URB1: variants seen among roughly 807,000 people sequenced by gnomAD.
URB1 encodes nucleolar pre-ribosomal-associated protein 1.
In URB1, 197 loss-of-function variants were observed where a neutral mutation model predicts 242.3. That is an observed-to-expected ratio of 0.81 (90% confidence interval 0.72 to 0.91). The LOEUF (loss-of-function observed/expected upper bound fraction) is 0.91, where lower values mean the gene tolerates loss of function less well. URB1 is among the 40% of genes least tolerant of loss of function. The probability of loss-of-function intolerance (pLI) is 0.00; values close to 1 mark genes in which losing one functional copy is unlikely to be tolerated. For missense variants in URB1, 2,721 were observed against 2,860.5 expected, an observed-to-expected ratio of 0.95 and a Z score of 1.11; for synonymous variants, 1,153 against 1,201.8, an observed-to-expected ratio of 0.96 and a Z score of 0.84.
At position 32,325,082 on chromosome 21, in the gene URB1, A is replaced by C. The variant is rs1024106546; in HGVS notation, c.5121+147T>G. ...CTCCGGGATCACCTCCTAAGGGAAC[A>C]GACTTTTGCTCTTCAGCAGAGATCT... On this transcript the variant is annotated intron_variant, in intron 31 of 38. Coordinates refer to ENST00000382751, the MANE Select transcript of URB1 (RefSeq NM_014825.3). 11 of 1,073,282 alleles carry C rather than the reference A, an allele frequency of 1.0e-5. No individual in the cohort carries two copies. In the African/African-American group the frequency reaches 1.8e-4, roughly 17 times the overall value. 66.5% of individuals were successfully genotyped at this position (1,073,282 alleles called of 1,614,324 possible).
intron 5 of URB1, among the ~76,000 whole-genome samples, 169 bp from the exon 6 acceptor site, chr21:32,375,652 A>C (rs2033451023): frequency 2.6e-5 from 4 of 152,100 alleles, no homozygotes; most frequent in African/African-American, 9.7e-5. Flanking sequence ...CCATGACATA[A>C]GAAATCAAGA....
chr21:32,320,393 C>T, intron 35 of URB1, 138 bp downstream of exon 35: 1 of 662,686 alleles, frequency 1.5e-6, no homozygotes, highest in South Asian at 2.0e-5. Flanking sequence ...CATATGGTAG[C>T]ATTGGAGGAC....
In URB1 at chr21:32,344,754, C is replaced by T; in HGVS notation, c.4073G>A (p.Trp1358Ter). Reference sequence around the variant, plus strand: ...TGCTGAAATGGAGTCGGCCACGATCCACCTGCAGCAGGAGATGAGAGTCAG... The same window carrying T: ...TGCTGAAATGGAGTCGGCCACGATCTACCTGCAGCAGGAGATGAGAGTCAG... The part of the protein sequence containing the change: ...LLHTPSSHKR[W>*]IVADSISAAL... Residue 1358 changes from tryptophan to a stop codon, truncating the protein, a stop_gained and splice_region_variant, in exon 24 of 39, where the codon TGG (tryptophan) becomes TAG (stop). Coordinates refer to ENST00000382751, the MANE Select transcript of URB1 (RefSeq NM_014825.3). LOFTEE classifies it high-confidence loss of function. 9 of 1,550,044 alleles carry T rather than the reference C, an allele frequency of 5.8e-6. No individual in the cohort carries two copies. Among genetic ancestry groups the T allele is most frequent in the Non-Finnish European group, 7.9e-6 (9 of 1,146,460 alleles).
intron 19 of URB1, 108 bp from the exon 20 acceptor site, chr21:32,351,030 C>T (rs2033151590): frequency 4.3e-6 from 5 of 1,170,078 alleles, no homozygotes; most frequent in Non-Finnish European, 2.4e-6. Context: ...CAAAGAAGCA[C>T]ATGCTGAGAT....
chr21:32,335,731 G>A (rs769130757), intron 28 of URB1: 1 of 152,602 alleles, frequency 6.6e-6, no homozygotes, highest in Non-Finnish European at 1.5e-5. Context: ...AGACCGGCGG[G>A]AGAGCCGCCA....
chr21:32,333,104 T>C (rs2032915415), intron 30 of URB1: 1 of 445,636 alleles, frequency 2.2e-6, no homozygotes, highest in South Asian at 2.7e-5. Context: ...AAATTACAAT[T>C]TTTTTTTTTA....
At chr21:32,335,572 A>G (rs2032948046) in intron 28 of URB1, 1 of 152,324 alleles carries the variant, frequency 6.6e-6, no homozygotes, top group Non-Finnish European at 1.5e-5. Context: ...AAATTCTTCT[A>G]AATACAGGTT....
intron 3 of URB1, 149 bp downstream of exon 3, chr21:32,384,164 G>C: frequency 1.0e-6 from 1 of 997,438 alleles, no homozygotes; most frequent in Non-Finnish European, 1.4e-6. Flanking sequence ...GTCCACAAAG[G>C]AAGGGGGCAG....
chr21:32,357,495 C>A (rs1373131741), intron 15 of URB1, 42 bp downstream of exon 15: 5 of 1,455,892 alleles, frequency 3.4e-6, no homozygotes, highest in Non-Finnish European at 4.5e-6. Flanking sequence ...AAGATCTATA[C>A]AAAATGCTTT....
Position 32,338,727 on chromosome 21 carries a change from C to T in URB1, c.4490G>A (p.Ser1497Asn), listed in dbSNP as rs765114065. Residue 1497 changes from serine to asparagine, a missense_variant, in exon 26 of 39, where the codon AGC (serine) becomes AAC (asparagine). Physicochemically the swap from Ser to Asn is conservative, Grantham distance 46. Transcript: ENST00000382751. ...PTLLTSDGEE[S>N]PDSQVKEALV... Reference sequence around the variant, plus strand: ...GTCACCTTTTACTTGGCTGTCCGGGCTCTCCTCTCCGTCAGACGTCAGTAG... The same window carrying T: ...GTCACCTTTTACTTGGCTGTCCGGGTTCTCCTCTCCGTCAGACGTCAGTAG... 20 of 1,551,442 alleles carry T rather than the reference C, an allele frequency of 1.3e-5. No individual in the cohort carries two copies. Among genetic ancestry groups the T allele is most frequent in the Non-Finnish European group, 1.7e-5 (19 of 1,146,934 alleles).
At chr21:32,354,738 G>T in intron 17 of URB1, 121 bp downstream of exon 17, 1 of 1,310,708 alleles carries the variant, frequency 7.6e-7, no homozygotes, top group Non-Finnish European at 1.0e-6. Flanking sequence ...GGTCTTTGCT[G>T]CAAAGGGACT....
intron 4 of URB1, among the ~76,000 whole-genome samples, chr21:32,380,523 T>G (rs1173502728): frequency 6.6e-6 from 1 of 152,166 alleles, no homozygotes; most frequent in Non-Finnish European, 1.5e-5. Flanking sequence ...AACCCACCAA[T>G]TCAGTTTTTA....
rs1332449012 is a variant in URB1, at chr21:32,325,352, A to G, written c.4998T>C (p.Asn1666=). Residue 1666 remains asparagine (N), a synonymous_variant, in exon 31 of 39, where the codon AAT becomes AAC. Coordinates refer to ENST00000382751, the MANE Select transcript of URB1 (RefSeq NM_014825.3). The part of the protein sequence containing the change: ...VVDCRKFLDS[N]ALGLTVTALS... Reference sequence around the variant, plus strand: ...GGGCTGTGACAGTTAGGCCCAGAGCATTTGAATCCAAAAATTTTCGACAAT... The same window carrying G: ...GGGCTGTGACAGTTAGGCCCAGAGCGTTTGAATCCAAAAATTTTCGACAAT... 4 of 1,551,054 alleles carry G rather than the reference A, an allele frequency of 2.6e-6. No individual in the cohort carries two copies. Among genetic ancestry groups the G allele is most frequent in the East Asian group, 2.4e-5 (1 of 40,912 alleles).
rs572870158 is a variant in URB1, at chr21:32,340,474, A to ATGG, written c.4316+989_4316+991dup. Among the ~76,000 whole-genome samples, 20 of 152,290 alleles carry ATGG rather than the reference A, an allele frequency of 1.3e-4. No individual in the cohort carries two copies. In the South Asian group the frequency reaches 4.2e-3, roughly 32 times the overall value. ...TAAAAATACAAAAAATTAGCCGAGC[A>ATGG]TGGTGGTGCGTGCCTGTGGACTCAG... On this transcript the variant is annotated intron_variant, in intron 25 of 38. Coordinates refer to ENST00000382751, the MANE Select transcript of URB1 (RefSeq NM_014825.3).
At chr21:32,360,913 C>T (rs1601145194) in intron 13 of URB1, 94 bp downstream of exon 13, 18 of 820,156 alleles carry the variant, frequency 2.2e-5, no homozygotes, top group East Asian at 3.0e-5. Context: ...CGCAGCCAAC[C>T]GTCCACCAGC....
intron 1 of URB1, among the ~76,000 whole-genome samples, chr21:32,390,522 G>A (rs1398792257): frequency 6.6e-6 from 1 of 151,554 alleles, no homozygotes; most frequent in Non-Finnish European, 1.5e-5. Flanking sequence ...CTGGATATTA[G>A]CCCTTTGTCA....
Position 32,316,686 on chromosome 21 carries a change from G to A in URB1, c.6414C>T (p.Asp2138=). The A allele has an allele frequency of 6.4e-7, 1 of 1,551,416 alleles. No individual in the cohort carries two copies. Among genetic ancestry groups the A allele is most frequent in the Non-Finnish European group, 8.7e-7 (1 of 1,146,864 alleles). The part of the protein sequence containing the change: ...HILPHPVVVA[D]LLKDSAVRSS... ...TCCTCACGGCACTGTCCTTAAGGAGGTCAGCCACGACCACAGGGTGTGGCA... is the reference window on the plus strand; with the variant it reads ...TCCTCACGGCACTGTCCTTAAGGAGATCAGCCACGACCACAGGGTGTGGCA... The change falls in exon 38 of 39, where the codon GAC becomes GAT. Residue 2138 remains aspartate, a synonymous_variant. Coordinates refer to ENST00000382751, the MANE Select transcript of URB1 (RefSeq NM_014825.3).
chr21:32,331,801 GCTGGAAAGAGGAGCCCCAAATCCC>G (rs1429933865), intron 30 of URB1, among the ~76,000 whole-genome samples: 1 of 152,246 alleles, frequency 6.6e-6, no homozygotes, highest in Non-Finnish European at 1.5e-5. Context: ...CCCCTGCCAG[GCTGGAAAGAGGAGCCCCAAATCCC>G]CTGTTGGGGT....
chr21:32,390,232 G>A (rs545957625), intron 1 of URB1, among the ~76,000 whole-genome samples: 1 of 152,320 alleles, frequency 6.6e-6, no homozygotes, highest in East Asian at 1.9e-4. Flanking sequence ...GCACCTGAAT[G>A]TCATGAGGCT....
Sources: gnomAD v4.1 joint callset for allele counts (sites outside exome capture counted in the v4.1 genomes callset) on GRCh38, gnomAD v4.1.1 for gene constraint, MANE v1.5 for transcripts, NCBI Gene and HGNC (gene_info 2026-07-23, HGNC 2026-07-21) for gene names.